The following GPC6 variants were observed in gnomAD, a reference collection of about 807,000 sequenced individuals.
GPC6 encodes glypican 6.
GPC6 carries 14 observed loss-of-function variants against 55.2 expected under a neutral mutation model. The ratio of observed to expected loss-of-function variants is 0.25; its 90% CI spans 0.17 to 0.40. The LOEUF is 0.40. Among genes scored for constraint, GPC6 ranks in the 10% least tolerant of loss-of-function variants. The probability of loss-of-function intolerance (pLI) is 1.00; values close to 1 mark genes in which losing one functional copy is unlikely to be tolerated. For missense variants in GPC6, 641 were observed against 708.5 expected (o/e 0.90, Z 1.08); for synonymous variants, 278 against 259.6 (o/e 1.07, Z -0.68).
At position 93,400,821 on chromosome 13, in the gene GPC6, C is replaced by T. The variant is rs1876043120; in HGVS notation, c.161-144442C>T. Among the ~76,000 whole-genome samples, 5 of 152,106 alleles carry T rather than the reference C, an allele frequency of 3.3e-5. No individual in the cohort carries two copies. In the South Asian group the frequency reaches 1.0e-3, roughly 32 times the overall value. ...GGAAAATAAAAACTTCAGTGAAATA[C>T]TCTAAGAGGGGTTTGATGCAGAGCT... is the stretch of plus-strand genomic sequence containing the variant. On this transcript the variant is annotated intron_variant, in intron 1 of 8. Coordinates refer to ENST00000377047, the MANE Select transcript of GPC6 (RefSeq NM_005708.5).
At chr13:94,224,692 A>AT (rs756429161) in intron 4 of GPC6, among the ~76,000 whole-genome samples, 8 of 151,992 alleles carry the variant, frequency 5.3e-5, no homozygotes, top group Non-Finnish European at 1.2e-4. Context: ...TTTTTGGAGC[A>AT]TTTTTTCTGC....
intron 3 of GPC6, among the ~76,000 whole-genome samples, chr13:93,946,705 T>G (rs2140368701): frequency 6.6e-6 from 1 of 152,318 alleles, no homozygotes; most frequent in Non-Finnish European, 1.5e-5. Context: ...AACTCTTGAA[T>G]ATTAGACTAT....
chr13:94,045,338 A>T (rs868807883), intron 4 of GPC6, among the ~76,000 whole-genome samples: 2 of 151,938 alleles, frequency 1.3e-5, no homozygotes, highest in East Asian at 1.9e-4. Flanking sequence ...TCACATACCA[A>T]ATGTCAATAT....
chr13:93,977,547 A>T (rs973384670), intron 3 of GPC6, among the ~76,000 whole-genome samples: 2 of 148,708 alleles, frequency 1.3e-5, no homozygotes, highest in African/African-American at 2.5e-5. Flanking sequence ...TTATTTCATT[A>T]TATGTGCTGA....
At chr13:94,247,917 G>A (rs1033730499) in intron 4 of GPC6, among the ~76,000 whole-genome samples, 1 of 151,946 alleles carries the variant, frequency 6.6e-6, no homozygotes, top group African/African-American at 2.4e-5. Context: ...GTGCATTGCA[G>A]CCTTAAACTT....
At chr13:93,704,023 A>G (rs1882762812) in intron 2 of GPC6, among the ~76,000 whole-genome samples, 1 of 151,972 alleles carries the variant, frequency 6.6e-6, no homozygotes, top group Non-Finnish European at 1.5e-5. Context: ...GTAGCCAATA[A>G]TTTAGGGAAT....
intron 4 of GPC6, among the ~76,000 whole-genome samples, chr13:94,118,438 T>A (rs376170663): frequency 3.3e-5 from 5 of 152,228 alleles, no homozygotes; most frequent in African/African-American, 1.2e-4. Flanking sequence ...AATTACCCAG[T>A]CTCGGGAAGT....
At position 93,521,242 on chromosome 13, in the gene GPC6, T is replaced by C. The variant is rs748026618; in HGVS notation, c.161-24021T>C. The stretch of plus-strand genomic sequence containing the variant: ...AAACTGGAATAATATTGCATTTTCT[T>C]TCTAAGAGAGATACAGAAGTCTAAG... On this transcript the variant is annotated intron_variant, in intron 1 of 8. Transcript: ENST00000377047. Among the ~76,000 whole-genome samples, 149 of 152,086 alleles carry C rather than the reference T, an allele frequency of 9.8e-4. 3 individuals carry two copies. Among genetic ancestry groups the C allele is most frequent in the Non-Finnish European group, 3.5e-4 (24 of 67,926 alleles).
intron 1 of GPC6, among the ~76,000 whole-genome samples, chr13:93,279,535 T>C (rs1877874818): frequency 6.6e-6 from 1 of 152,246 alleles, no homozygotes; most frequent in Non-Finnish European, 1.5e-5. Flanking sequence ...TCTTTTTACA[T>C]AACATTGATT....
At chr13:93,361,117 G>A (rs1463752338) in intron 1 of GPC6, among the ~76,000 whole-genome samples, 5 of 152,022 alleles carry the variant, frequency 3.3e-5, no homozygotes, top group Admixed American at 6.5e-5. Context: ...CAGCTCAAGT[G>A]GCCCATGCTT....
chr13:93,312,105 A>G lies in GPC6; in HGVS notation c.160+84489A>G, dbSNP rs1000553232. Among the ~76,000 whole-genome samples the G allele has an allele frequency of 2.0e-5, 3 of 152,186 alleles. No individual in the cohort carries two copies. The South Asian group carries it at 6.2e-4, about 32-fold the overall frequency. ...TATGTAGTCATTTCACATCTATCTT[A>G]TGTGAAATTGGCAGTACCAAACAAA... On this transcript the variant is annotated intron_variant, in intron 1 of 8. Coordinates refer to ENST00000377047, the MANE Select transcript of GPC6 (RefSeq NM_005708.5).
At chr13:93,742,547 A>T (rs1330413683) in intron 2 of GPC6, among the ~76,000 whole-genome samples, 1 of 152,198 alleles carries the variant, frequency 6.6e-6, no homozygotes, top group Non-Finnish European at 1.5e-5. Context: ...CCAGATGACA[A>T]GACAGACAAG....
intron 1 of GPC6, among the ~76,000 whole-genome samples, chr13:93,409,132 A>G (rs1343386303): frequency 6.6e-6 from 1 of 151,548 alleles, no homozygotes; most frequent in Non-Finnish European, 1.5e-5. Context: ...CTGCTTATTT[A>G]TACATCCATG....
At chr13:93,615,009 C>A (rs1327005102) in intron 2 of GPC6, among the ~76,000 whole-genome samples, 1 of 152,040 alleles carries the variant, frequency 6.6e-6, no homozygotes, top group African/African-American at 2.4e-5. Context: ...GAATAAGGTC[C>A]TGGATTCCTC....
At chr13:93,223,572 T>C (rs1174119462), upstream of GPC6, among the ~76,000 whole-genome samples, 2 of 152,062 alleles carry the variant, frequency 1.3e-5, no homozygotes, top group Non-Finnish European at 2.9e-5. Flanking sequence ...GCCTCCCAAG[T>C]AGCTGGGACT....
At chr13:94,084,499 G>A (rs74111433) in intron 4 of GPC6, among the ~76,000 whole-genome samples, 1 of 152,186 alleles carries the variant, frequency 6.6e-6, no homozygotes, top group African/African-American at 2.4e-5. Context: ...TATATCCCCA[G>A]GTGGACAGTT....
chr13:93,575,671 C>CTAGA (rs1876628365), intron 2 of GPC6, among the ~76,000 whole-genome samples: 1 of 152,140 alleles, frequency 6.6e-6, no homozygotes, highest in East Asian at 1.9e-4. Flanking sequence ...AGAGATTAAC[C>CTAGA]TAGAGTAGCT....
intron 6 of GPC6, among the ~76,000 whole-genome samples, chr13:94,323,399 C>T (rs1374625106): frequency 6.6e-6 from 1 of 152,168 alleles, no homozygotes; most frequent in African/African-American, 2.4e-5. Context: ...TGTCTGTACT[C>T]AGCCTAGATA....
At chr13:94,262,694 A>C (rs933374958) in intron 4 of GPC6, among the ~76,000 whole-genome samples, 4 of 147,726 alleles carry the variant, frequency 2.7e-5, no homozygotes, top group Non-Finnish European at 6.0e-5. Flanking sequence ...AAAAAAAAGG[A>C]GTGAATCACT....
Sources: gnomAD v4.1 joint callset for allele counts (sites outside exome capture counted in the v4.1 genomes callset) on GRCh38, gnomAD v4.1.1 for gene constraint, MANE v1.5 for transcripts, NCBI Gene and HGNC (gene_info 2026-07-23, HGNC 2026-07-21) for gene names.